The following RWDD1 variants were observed in gnomAD, a reference collection of about 807,000 sequenced individuals.
The protein encoded by RWDD1 is RWD domain-containing protein 1.
RWDD1 carries 17 observed loss-of-function variants against 31.6 expected under a neutral mutation model. That is an observed-to-expected ratio of 0.54 (90% CI 0.37 to 0.81). The LOEUF is 0.81. Ranked by LOEUF, RWDD1 falls within the 30% of genes least tolerant of loss-of-function variation. The probability of loss-of-function intolerance (pLI) is 0.00; values close to 1 mark genes in which losing one functional copy is unlikely to be tolerated. For missense variants in RWDD1, 204 were observed against 274.5 expected, an observed-to-expected ratio of 0.74 and a Z score of 1.82; for synonymous variants, 78 against 94.2, an observed-to-expected ratio of 0.83 and a Z score of 0.99.
intron 1 of RWDD1, among the ~76,000 whole-genome samples, chr6:116,577,373 T>C (rs142814163): frequency 1.2e-3 from 184 of 152,216 alleles, no homozygotes; most frequent in African/African-American, 4.3e-3. Context: ...AAAGCTTATG[T>C]TGGCTTTTAT....
chr6:116,591,946 C>G (rs968317918), intron 6 of RWDD1, among the ~76,000 whole-genome samples: 1 of 152,200 alleles, frequency 6.6e-6, no homozygotes, highest in South Asian at 2.1e-4. Flanking sequence ...GATACCTTTT[C>G]CTTTTCTGAT....
At chr6:116,580,509 T>C in intron 2 of RWDD1, 149 bp downstream of exon 2, 1 of 471,772 alleles carries the variant, frequency 2.1e-6, no homozygotes, top group Non-Finnish European at 3.7e-6. Flanking sequence ...AGTCAGAATT[T>C]ACTGTGTGAA....
At chr6:116,589,388 G>A (rs918312457) in intron 4 of RWDD1, among the ~76,000 whole-genome samples, 1 of 152,148 alleles carries the variant, frequency 6.6e-6, no homozygotes, top group African/African-American at 2.4e-5. Context: ...TTTTAAGACA[G>A]TTTACGAATT....
chr6:116,579,224 C>T (rs1419146080), intron 1 of RWDD1, among the ~76,000 whole-genome samples: 3 of 152,280 alleles, frequency 2.0e-5, no homozygotes, highest in Middle Eastern at 3.4e-3. Flanking sequence ...AGAAAGTTCC[C>T]AGGTAGGAAA....
chr6:116,584,772 A>G lies in RWDD1; in HGVS notation c.185A>G (p.Asp62Gly), dbSNP rs144557301. 4.3e-5 allele frequency: 69 copies of G among 1,608,304 alleles called. 1 individual carries two copies. In the East Asian group the frequency reaches 1.5e-3, roughly 34 times the overall value. Reference sequence around the variant, plus strand: ...TTTACATACAGTGAAAAATACCCAGATGAAGCTCCCCTTTATGAAATATTC... The same window carrying G: ...TTTACATACAGTGAAAAATACCCAGGTGAAGCTCCCCTTTATGAAATATTC... ...LKFTYSEKYP[D>G]EAPLYEIFSQ... The change falls in exon 3 of 7, where the codon GAT (aspartate) becomes GGT (glycine). Residue 62 changes from aspartate to glycine, a missense_variant. Physicochemically the swap from Asp to Gly is moderately conservative, Grantham distance 94 (BLOSUM62 -1). Transcript: ENST00000466444.
chr6:116,578,201 T>C (rs2115325549), intron 1 of RWDD1, among the ~76,000 whole-genome samples: 1 of 152,358 alleles, frequency 6.6e-6, no homozygotes, highest in East Asian at 1.9e-4. Context: ...TGATAGTATA[T>C]TTAATAGTTT....
At chr6:116,573,100 G>A (rs1214742206) in intron 1 of RWDD1, 1 of 679,296 alleles carries the variant, frequency 1.5e-6, no homozygotes, top group African/African-American at 2.0e-5. Context: ...GTCATTTCCA[G>A]TACTTTGGAA....
chr6:116,585,471 T>A (rs1775020362), intron 3 of RWDD1, among the ~76,000 whole-genome samples: 3 of 152,186 alleles, frequency 2.0e-5, no homozygotes, highest in Admixed American at 1.3e-4. Flanking sequence ...TACTCATGCT[T>A]GGGTAGACAG....
At chr6:116,583,268 C>T (rs184392414) in intron 2 of RWDD1, among the ~76,000 whole-genome samples, 24 of 152,248 alleles carry the variant, frequency 1.6e-4, no homozygotes, top group Admixed American at 9.2e-4. Context: ...TAAACCCCAG[C>T]GCCTGGCCAT....
intron 2 of RWDD1, among the ~76,000 whole-genome samples, chr6:116,584,103 A>T (rs954145172): frequency 6.6e-6 from 1 of 152,260 alleles, no homozygotes; most frequent in African/African-American, 2.4e-5. Flanking sequence ...CCTGTGCTGC[A>T]GAGAGGCACC....
intron 6 of RWDD1, 86 bp from the exon 7 acceptor site, chr6:116,592,894 G>A: frequency 7.0e-7 from 1 of 1,437,388 alleles, no homozygotes; most frequent in Non-Finnish European, 9.4e-7. Flanking sequence ...GGAGATTTCT[G>A]TTTGGTAGTG....
chr6:116,593,233 T>C lies in RWDD1; in HGVS notation c.*132T>C. The C allele has an allele frequency of 1.1e-6, 1 of 870,860 alleles. No homozygotes were observed. Among genetic ancestry groups the C allele is most frequent in the East Asian group, 2.9e-5 (1 of 34,424 alleles). 53.9% of individuals were successfully genotyped at this position (870,860 alleles called of 1,614,324 possible). ...GAGAATATTCTTCTGATAGCTTTCA[T>C]CATTGAACTTAATAAACTGACCTTA... On this transcript the variant is annotated 3_prime_UTR_variant, in exon 7 of 7. Coordinates refer to ENST00000466444, the MANE Select transcript of RWDD1 (RefSeq NM_015952.4).
chr6:116,581,467 C>G (rs1485552222), intron 2 of RWDD1, among the ~76,000 whole-genome samples: 3 of 151,970 alleles, frequency 2.0e-5, no homozygotes, highest in Non-Finnish European at 2.9e-5. Flanking sequence ...TTATTAGGAG[C>G]TAGTAATAGC....
At chr6:116,584,644 G>C (rs901403241) in intron 2 of RWDD1, 83 bp from the exon 3 acceptor site, 1 of 1,214,794 alleles carries the variant, frequency 8.2e-7, no homozygotes, top group African/African-American at 1.5e-5. Context: ...AAAATCTATT[G>C]TGCTACTTTC....
Position 116,584,770 on chromosome 6 carries a change from A to G in RWDD1, c.183A>G (p.Pro61=). The stretch of plus-strand genomic sequence containing the variant: ...AGTTTACATACAGTGAAAAATACCC[A>G]GATGAAGCTCCCCTTTATGAAATAT... ...TLKFTYSEKY[P]DEAPLYEIFS... Residue 61 remains proline (P), a synonymous_variant, in exon 3 of 7, where the codon CCA becomes CCG. Transcript: ENST00000466444. 6.2e-7 allele frequency: 1 copy of G among 1,608,284 alleles called. No individual in the cohort carries two copies. The highest frequency in any genetic ancestry group is 8.5e-7 in the Non-Finnish European group (1 of 1,174,918).
At chr6:116,572,427 T>G (rs895593754) in intron 1 of RWDD1, 3 of 152,290 alleles carry the variant, frequency 2.0e-5, no homozygotes, top group Non-Finnish European at 4.4e-5. Context: ...TCCAGACATA[T>G]GGGACTTGGG....
intron 4 of RWDD1, among the ~76,000 whole-genome samples, chr6:116,589,395 A>T (rs1439405445): frequency 6.6e-6 from 1 of 152,206 alleles, no homozygotes; most frequent in Non-Finnish European, 1.5e-5. Flanking sequence ...ACAGTTTACG[A>T]ATTTGTGTTG....
intron 1 of RWDD1, among the ~76,000 whole-genome samples, chr6:116,574,566 T>A (rs1202329810): frequency 1.3e-5 from 2 of 152,216 alleles, no homozygotes; most frequent in African/African-American, 2.4e-5. Flanking sequence ...TCCCTGTTTT[T>A]GACAAATCTT....
rs1405589090 is a variant in RWDD1 at position 116,596,563 on chromosome 6, T to G, written c.*3462T>G. 6.6e-6 allele frequency: 1 copy of G among 152,224 alleles called. No individual in the cohort carries two copies. The highest frequency in any genetic ancestry group is 6.5e-5 in the Admixed American group (1 of 15,274). The allele number at this position is 152,224 out of a possible 1,614,324, so 9.4% of individuals were successfully genotyped here. Reference sequence around the variant, plus strand: ...ATGTTTTTAATTTTACATCTAAAACTAATTTGCATTATCCTGTGTTAGTGA... The same window carrying G: ...ATGTTTTTAATTTTACATCTAAAACGAATTTGCATTATCCTGTGTTAGTGA... On this transcript the variant is annotated 3_prime_UTR_variant, in exon 7 of 7. Transcript: ENST00000466444.
Sources: gnomAD v4.1 joint callset for allele counts (sites outside exome capture counted in the v4.1 genomes callset) on GRCh38, gnomAD v4.1.1 for gene constraint, MANE v1.5 for transcripts, NCBI Gene and HGNC (gene_info 2026-07-23, HGNC 2026-07-21) for gene names.